The following ERICH1 variants were observed in gnomAD, a reference collection of about 807,000 sequenced individuals.
ERICH1 encodes glutamate rich 1, also known as glutamate-rich protein 1.
In ERICH1, 56 loss-of-function variants were observed where a neutral mutation model predicts 39.6. The observed-to-expected ratio is 1.41, with a 90% CI of 1.14 to 1.77. The LOEUF (loss-of-function observed/expected upper bound fraction) is 1.77, where lower values mean the gene tolerates loss of function less well. Among genes scored for constraint, ERICH1 ranks in the 40% most tolerant of loss-of-function variants. ERICH1 has a pLI of 0.00. For synonymous variants in ERICH1, 313 were observed against 223.6 expected (o/e 1.40, Z -3.57); for missense variants, 826 against 575.4 (o/e 1.44, Z -4.45).
intron 3 of ERICH1, chr8:627,219 C>A (rs1797639930): frequency 2.2e-6 from 1 of 456,120 alleles, no homozygotes; most frequent in African/African-American, 2.0e-5. Context: ...CCCAGGCTCT[C>A]TGAGCTTCAG....
chr8:728,134 G>A (rs1327325154), intron 1 of ERICH1, among the ~76,000 whole-genome samples: 1 of 152,220 alleles, frequency 6.6e-6, no homozygotes, highest in Non-Finnish European at 1.5e-5. Context: ...CTCCGGAAAT[G>A]TCCCTGAAGC....
At chr8:729,856 T>G (rs998405211) in intron 1 of ERICH1, among the ~76,000 whole-genome samples, 11 of 151,864 alleles carry the variant, frequency 7.2e-5, no homozygotes, top group Non-Finnish European at 2.9e-5. Context: ...GATGCTATAA[T>G]AATTTCTTGC....
intron 2 of ERICH1, among the ~76,000 whole-genome samples, chr8:699,798 CACACGCGCACAGAT>C (rs1474653325): frequency 1.3e-4 from 10 of 75,170 alleles, no homozygotes; most frequent in Admixed American, 1.1e-3. Flanking sequence ...CACAGACCCG[CACACGCGCACAGAT>C]CCGCACAAGC....
At chr8:688,642 A>G (rs1192404277) in intron 3 of ERICH1, among the ~76,000 whole-genome samples, 1 of 152,232 alleles carries the variant, frequency 6.6e-6, no homozygotes, top group Non-Finnish European at 1.5e-5. Flanking sequence ...GTAGCTCAGA[A>G]AACAAGCCAT....
intron 3 of ERICH1, among the ~76,000 whole-genome samples, chr8:630,191 G>A (rs1365078774): frequency 2.7e-5 from 3 of 112,108 alleles, no homozygotes; most frequent in African/African-American, 3.8e-5. Context: ...ACACCCTCCC[G>A]TGACCACCCA....
At position 674,034 on chromosome 8, in the gene ERICH1, A is replaced by G; in HGVS notation, c.318T>C (p.His106=). 6.4e-7 allele frequency: 1 copy of G among 1,559,626 alleles called. No homozygotes were observed. Among genetic ancestry groups the G allele is most frequent in the Non-Finnish European group, 8.6e-7 (1 of 1,166,932 alleles). Residue 106 remains histidine (H), a synonymous_variant, in exon 4 of 6, where the codon CAT becomes CAC. Transcript: ENST00000262109. ...SGDDTEDQDP[H]DQPKRRRIRK... is the part of the protein sequence containing the mutation. Reference sequence around the variant, plus strand: ...TAATTCTTCTTCTCTTTGGCTGGTCATGAGGATCCTGATCTGTTAAAAAAA... The same window carrying G: ...TAATTCTTCTTCTCTTTGGCTGGTCGTGAGGATCCTGATCTGTTAAAAAAA...
chr8:638,297 G>A (rs1798607549), intron 3 of ERICH1, among the ~76,000 whole-genome samples: 1 of 152,200 alleles, frequency 6.6e-6, no homozygotes, highest in South Asian at 2.1e-4. Flanking sequence ...CATTCCTGGG[G>A]CTCGATGGGA....
chr8:662,281 G>A (rs1326761640), downstream of ERICH1, among the ~76,000 whole-genome samples: 4 of 152,256 alleles, frequency 2.6e-5, no homozygotes, highest in Admixed American at 6.5e-5. Context: ...CAAATGGGAC[G>A]TTAAGAATAG....
chr8:699,345 C>A (rs1338766203), intron 2 of ERICH1, among the ~76,000 whole-genome samples: 1 of 152,198 alleles, frequency 6.6e-6, no homozygotes, highest in African/African-American at 2.4e-5. Flanking sequence ...CCCCCGATTG[C>A]TGTCCCAGCG....
At chr8:695,740 C>T (rs1443004771) in intron 2 of ERICH1, among the ~76,000 whole-genome samples, 7 of 106,736 alleles carry the variant, frequency 6.6e-5, no homozygotes, top group African/African-American at 1.2e-4. Flanking sequence ...CATCAGCCTG[C>T]GCCTGTGCTG....
At chr8:639,180 A>G (rs1431384526) in intron 3 of ERICH1, among the ~76,000 whole-genome samples, 3 of 151,822 alleles carry the variant, frequency 2.0e-5, no homozygotes, top group African/African-American at 7.3e-5. Flanking sequence ...TGCTTTTTCT[A>G]CTCAGATAAA....
At chr8:633,606 G>C (rs1798189293) in intron 3 of ERICH1, among the ~76,000 whole-genome samples, 1 of 152,156 alleles carries the variant, frequency 6.6e-6, no homozygotes, top group South Asian at 2.1e-4. Context: ...AACGAAGCTG[G>C]AGACTCACAT....
intron 1 of ERICH1, among the ~76,000 whole-genome samples, chr8:728,613 T>A (rs1250872190): frequency 6.6e-6 from 1 of 152,026 alleles, no homozygotes; most frequent in Non-Finnish European, 1.5e-5. Context: ...ATTCACCCAA[T>A]CTCCCTGGGT....
downstream of ERICH1, among the ~76,000 whole-genome samples, chr8:659,777 T>G (rs74898569): frequency 0.021 from 164 of 7,802 alleles, 10 homozygotes; most frequent in African/African-American, 0.035. Flanking sequence ...AGATCTCCAG[T>G]GTGCACTGAC....
chr8:692,962 C>G (rs1044740487), intron 2 of ERICH1, among the ~76,000 whole-genome samples: 1 of 152,188 alleles, frequency 6.6e-6, no homozygotes, highest in Non-Finnish European at 1.5e-5. Context: ...ACGACACACC[C>G]TTTATCATCA....
intron 3 of ERICH1, chr8:656,976 C>T (rs912520312): frequency 7.7e-6 from 3 of 388,822 alleles, no homozygotes; most frequent in African/African-American, 6.5e-5. Context: ...TAAGAGCAAA[C>T]AATTTTACTA....
intron 3 of ERICH1, among the ~76,000 whole-genome samples, chr8:684,647 AG>A (rs1806888036): frequency 6.6e-6 from 1 of 152,206 alleles, no homozygotes; most frequent in African/African-American, 2.4e-5. Flanking sequence ...CGGGGGAACC[AG>A]CCCCCAATAT....
intron 2 of ERICH1, among the ~76,000 whole-genome samples, chr8:707,600 G>A (rs1449138009): frequency 6.6e-6 from 1 of 152,136 alleles, no homozygotes; most frequent in Non-Finnish European, 1.5e-5. Context: ...CACATGCAAA[G>A]GAATGAAGTT....
At chr8:684,641 G>A (rs1316640332) in intron 3 of ERICH1, among the ~76,000 whole-genome samples, 2 of 152,112 alleles carry the variant, frequency 1.3e-5, no homozygotes, top group Admixed American at 6.6e-5. Flanking sequence ...GGATATCGGG[G>A]GAACCAGCCC....
Sources: allele counts gnomAD v4.1 joint callset (sites outside exome capture counted in the v4.1 genomes callset), GRCh38; gene constraint gnomAD v4.1.1; transcripts MANE v1.5; gene names NCBI Gene and HGNC (gene_info 2026-07-23, HGNC 2026-07-21).